ENTREP2: variants seen among roughly 807,000 people sequenced by gnomAD.
ENTREP2 encodes the protein protein ENTREP2.
chr15:29,289,630 G>A, the ENTREP2 span, among the ~76,000 whole-genome samples: 1 of 152,020 alleles, frequency 6.6e-6, no homozygotes, highest in Non-Finnish European at 1.5e-5. Context: ...TGGATCACCT[G>A]GGGTCAGGAG....
chr15:29,150,943 CAGAG>C, the ENTREP2 span, among the ~76,000 whole-genome samples: 199 of 152,216 alleles, frequency 1.3e-3, 5 homozygotes, highest in East Asian at 0.032. Context: ...CACACAGAGA[CAGAG>C]AGAGACAGAC....
chr15:29,183,125 C>T, the ENTREP2 span, among the ~76,000 whole-genome samples: 1 of 152,206 alleles, frequency 6.6e-6, no homozygotes, highest in Non-Finnish European at 1.5e-5. Context: ...TGCATTAAAA[C>T]TGAAAACTTC....
At chr15:29,296,886 T>A in the ENTREP2 span, among the ~76,000 whole-genome samples, 2 of 152,198 alleles carry the variant, frequency 1.3e-5, no homozygotes, top group African/African-American at 4.8e-5. Flanking sequence ...CTGTAGCACA[T>A]GGGTCAAATG....
chr15:29,405,807 C>T, the ENTREP2 span, among the ~76,000 whole-genome samples: 1 of 152,254 alleles, frequency 6.6e-6, no homozygotes, highest in African/African-American at 2.4e-5. Flanking sequence ...CCAGCGCCCA[C>T]CTCCGGGCGG....
chr15:29,633,406 T>C, the ENTREP2 span, among the ~76,000 whole-genome samples: 2 of 152,090 alleles, frequency 1.3e-5, no homozygotes, highest in African/African-American at 4.8e-5. Flanking sequence ...TTATGTCAAA[T>C]AATCCATTGT....
At chr15:29,471,987 G>T in the ENTREP2 span, among the ~76,000 whole-genome samples, 1 of 152,142 alleles carries the variant, frequency 6.6e-6, no homozygotes, top group Non-Finnish European at 1.5e-5. Flanking sequence ...GAGGGCTGGG[G>T]TGGAGCAGAG....
chr15:29,180,632 C>G, the ENTREP2 span, among the ~76,000 whole-genome samples: 3 of 152,002 alleles, frequency 2.0e-5, no homozygotes, highest in Non-Finnish European at 2.9e-5. Flanking sequence ...CCACTGCATT[C>G]CAGCCTGGGT....
chr15:29,358,980 C>T, the ENTREP2 span, among the ~76,000 whole-genome samples: 1 of 152,078 alleles, frequency 6.6e-6, no homozygotes, highest in East Asian at 1.9e-4. Flanking sequence ...GAAAGCAAGC[C>T]CAGTGCTCTA....
the ENTREP2 span, among the ~76,000 whole-genome samples, chr15:29,598,312 T>C: frequency 6.6e-6 from 1 of 152,304 alleles, no homozygotes; most frequent in East Asian, 1.9e-4. Context: ...ATGTCATTAT[T>C]GTGGTGATTT....
At chr15:29,602,223 T>C in the ENTREP2 span, among the ~76,000 whole-genome samples, 2 of 152,186 alleles carry the variant, frequency 1.3e-5, no homozygotes, top group African/African-American at 4.8e-5. Flanking sequence ...ATATTCCCCA[T>C]GCTCACCCCA....
the ENTREP2 span, among the ~76,000 whole-genome samples, chr15:29,669,006 C>T: frequency 3.9e-5 from 6 of 152,248 alleles, no homozygotes; most frequent in East Asian, 1.9e-4. Context: ...CCTCTTCTCC[C>T]GCTCCCATAA....
At chr15:29,421,533 A>T in the ENTREP2 span, among the ~76,000 whole-genome samples, 1 of 152,228 alleles carries the variant, frequency 6.6e-6, no homozygotes, top group African/African-American at 2.4e-5. Flanking sequence ...TAGAGCAGGG[A>T]ACTACTGGGT....
chr15:29,657,293 C>G, the ENTREP2 span, among the ~76,000 whole-genome samples: 1 of 151,894 alleles, frequency 6.6e-6, no homozygotes, highest in Non-Finnish European at 1.5e-5. Flanking sequence ...ATCTCTCGAC[C>G]TCCTGATCCA....
At chr15:29,137,176 G>A in the ENTREP2 span, 24 of 1,481,566 alleles carry the variant, frequency 1.6e-5, no homozygotes, top group Admixed American at 2.8e-5. Context: ...TTGGCAGGAT[G>A]TGACCTCTGC....
the ENTREP2 span, among the ~76,000 whole-genome samples, chr15:29,654,265 A>G: frequency 6.6e-6 from 1 of 152,182 alleles, no homozygotes; most frequent in Non-Finnish European, 1.5e-5. Context: ...TTTCGCATTC[A>G]TATCATGGAA....
At chr15:29,287,208 G>A in the ENTREP2 span, among the ~76,000 whole-genome samples, 6 of 151,960 alleles carry the variant, frequency 3.9e-5, no homozygotes, top group East Asian at 1.2e-3. Context: ...CACTATCCGC[G>A]GCCATTTCCC....
At chr15:29,646,404 C>A in the ENTREP2 span, among the ~76,000 whole-genome samples, 4 of 152,172 alleles carry the variant, frequency 2.6e-5, no homozygotes, top group African/African-American at 9.7e-5. Context: ...AGTTGTAGGA[C>A]TGGGGAGCTT....
chr15:29,323,218 G>A, the ENTREP2 span, among the ~76,000 whole-genome samples: 1 of 152,192 alleles, frequency 6.6e-6, no homozygotes, highest in Admixed American at 6.5e-5. Context: ...ACAGAGGCAG[G>A]ATTAGAGGGT....
the ENTREP2 span, among the ~76,000 whole-genome samples, chr15:29,447,044 G>A: frequency 6.6e-6 from 1 of 152,102 alleles, no homozygotes; most frequent in Admixed American, 6.5e-5. Flanking sequence ...AACCTAACAT[G>A]TTCCAGGGAT....
Sources: allele counts gnomAD v4.1 joint callset (sites outside exome capture counted in the v4.1 genomes callset), GRCh38; gene constraint gnomAD v4.1.1; transcripts MANE v1.5; gene names NCBI Gene and HGNC (gene_info 2026-07-23, HGNC 2026-07-21).